Variants in ZNF160 observed in about 807,000 individuals in gnomAD.
The protein encoded by ZNF160 is zinc finger protein 160, also known as KRAB zinc finger protein KR18.
Under a neutral mutation model 13.1 loss-of-function variants are expected in ZNF160, and 9 were observed. The ratio of observed to expected loss-of-function variants is 0.69; its 90% confidence interval spans 0.41 to 1.20. The LOEUF is 1.20. Ranked by LOEUF, ZNF160 falls within the 50% of genes most tolerant of loss-of-function variation. ZNF160 has a pLI of 0.01. For missense variants in ZNF160, 838 were observed against 988.0 expected, an observed-to-expected ratio of 0.85 and a Z score of 2.04; for synonymous variants, 293 against 333.2, an observed-to-expected ratio of 0.88 and a Z score of 1.31.
intron 1 of ZNF160, chr19:53,095,505 C>G (rs1220402640): frequency 1.3e-5 from 2 of 151,964 alleles, no homozygotes; most frequent in African/African-American, 2.4e-5. Flanking sequence ...AACTCTGAGA[C>G]CCGGTGGCTC....
At position 53,068,846 on chromosome 19, in the gene ZNF160, TTC is replaced by T; in HGVS notation, c.1686_1687del (p.Lys563ThrfsTer5). ...ACCACATTCATTACACTTGTAAGGT[TTC>T]TCTCCAGAATGAATTCCCCGATGAC... On this transcript the variant is annotated frameshift_variant, in exon 6 of 6. Transcript: ENST00000683776. LOFTEE classifies it low-confidence loss of function (END_TRUNC). 6.2e-7 allele frequency: 1 copy of T among 1,614,192 alleles called. No individual in the cohort carries two copies.
chr19:53,072,729 T>C (rs535924591), intron 5 of ZNF160, among the ~76,000 whole-genome samples: 72 of 152,110 alleles, frequency 4.7e-4, no homozygotes, highest in South Asian at 1.0e-3. Flanking sequence ...CGCATGCCTG[T>C]AATCCCAGCT....
In ZNF160 at chr19:53,075,039, G is replaced by A. The variant is rs954521242; in HGVS notation, c.142+18C>T. 5 of 1,613,794 alleles carry A rather than the reference G, an allele frequency of 3.1e-6. No homozygotes were observed. Among genetic ancestry groups the A allele is most frequent in the Non-Finnish European group, 4.2e-6 (5 of 1,179,918 alleles). On this transcript the variant is annotated intron_variant, in intron 4 of 5. Coordinates refer to ENST00000683776, the MANE Select transcript of ZNF160 (RefSeq NM_001322131.2). ...AGACAAGAACAGATCTTGACTTCTG[G>A]AAGAAAGTCATCCTCACCCAGAGAA...
chr19:53,087,167 G>T (rs1388547547), intron 2 of ZNF160, among the ~76,000 whole-genome samples: 1 of 152,204 alleles, frequency 6.6e-6, no homozygotes, highest in East Asian at 1.9e-4. Flanking sequence ...TGGAAGCCTT[G>T]AGGCAGGAGC....
At chr19:53,074,463 G>A (rs2084303855) in intron 4 of ZNF160, among the ~76,000 whole-genome samples, 195 bp from the exon 5 acceptor site, 1 of 151,836 alleles carries the variant, frequency 6.6e-6, no homozygotes, top group African/African-American at 2.4e-5. Context: ...GTCAGGAGAT[G>A]GAGATCATGA....
rs1042374609 is a variant in ZNF160 at position 53,083,607 on chromosome 19, G to T, written c.15+2655C>A. 1.6e-4 allele frequency among the ~76,000 whole-genome samples: 25 copies of T among 152,286 alleles called. No homozygotes were observed. The East Asian group carries it at 4.8e-3, about 29-fold the overall frequency. The stretch of plus-strand genomic sequence containing the variant: ...AGGAAGACAACAGTGCGTATATAAA[G>T]AATTAAACCAAGCCGGGCACAATGG... On this transcript the variant is annotated intron_variant, in intron 3 of 5. Transcript: ENST00000683776.
chr19:53,088,917 C>A (rs1278943765), intron 2 of ZNF160, among the ~76,000 whole-genome samples: 1 of 152,212 alleles, frequency 6.6e-6, no homozygotes, highest in Non-Finnish European at 1.5e-5. Flanking sequence ...ACTTCATATG[C>A]TGTACGCTCT....
In ZNF160 at chr19:53,066,776, T is replaced by C. The variant is rs2083983529; in HGVS notation, c.*1301A>G. On this transcript the variant is annotated 3_prime_UTR_variant, in exon 6 of 6. Transcript: ENST00000683776. Reference sequence around the variant, plus strand: ...ACTCTTCACTCTGACAACTACTCTCTCTTCAGTTTTTCTTTTTCTTCTTTA... The same window carrying C: ...ACTCTTCACTCTGACAACTACTCTCCCTTCAGTTTTTCTTTTTCTTCTTTA... 6.6e-6 allele frequency: 1 copy of C among 152,198 alleles called. No individual in the cohort carries two copies. The highest frequency in any genetic ancestry group is 2.1e-4 in the South Asian group (1 of 4,828). 9.4% of individuals were successfully genotyped at this position (152,198 alleles called of 1,614,324 possible). A position where few individuals can be genotyped will look rare whatever the true frequency, so the allele number is the denominator to read the frequency against.
rs555769840 is a variant in ZNF160, at chr19:53,072,987, A to G, written c.271+1153T>C. 21 of 627,138 alleles carry G rather than the reference A, an allele frequency of 3.3e-5. No individual in the cohort carries two copies. In the East Asian group the frequency reaches 2.6e-3, roughly 76 times the overall value. 38.8% of individuals were successfully genotyped at this position (627,138 alleles called of 1,614,324 possible). The stretch of plus-strand genomic sequence containing the variant: ...CTATATTGACAAATTATAGTTATAT[A>G]TATTTACAGGAAACAAACTGATATT... On this transcript the variant is annotated intron_variant, in intron 5 of 5. Transcript: ENST00000683776.
intron 5 of ZNF160, chr19:53,073,570 A>G (rs1325631211): frequency 2.0e-6 from 3 of 1,516,394 alleles, no homozygotes; most frequent in African/African-American, 2.8e-5. Flanking sequence ...ACTAAGGACT[A>G]TGGAGGCTTC....
chr19:53,076,803 T>C (rs1228743958), intron 3 of ZNF160: 2 of 152,228 alleles, frequency 1.3e-5, no homozygotes, highest in Non-Finnish European at 2.9e-5. Flanking sequence ...TTGAAACACC[T>C]GCTCACCTGA....
At chr19:53,086,454 C>A in intron 2 of ZNF160, 133 bp from the exon 3 acceptor site, 1 of 649,324 alleles carries the variant, frequency 1.5e-6, no homozygotes, top group East Asian at 3.0e-5. Context: ...GAAAGATGGT[C>A]CTCTGCGCCC....
intron 3 of ZNF160, among the ~76,000 whole-genome samples, chr19:53,081,369 G>A (rs184517): frequency 6.6e-5 from 10 of 151,988 alleles, no homozygotes; most frequent in African/African-American, 9.7e-5. Flanking sequence ...CGCATCTGAC[G>A]AATAACTAAT....
chr19:53,082,237 C>G (rs565608347), intron 3 of ZNF160, among the ~76,000 whole-genome samples: 204 of 152,258 alleles, frequency 1.3e-3, no homozygotes, highest in African/African-American at 4.6e-3. Flanking sequence ...TGTAAGAAAC[C>G]TCACGTGTAC....
chr19:53,081,272 GA>G (rs1448331643), intron 3 of ZNF160, among the ~76,000 whole-genome samples: 1 of 152,002 alleles, frequency 6.6e-6, no homozygotes, highest in Non-Finnish European at 1.5e-5. Flanking sequence ...TAGACAAGTG[GA>G]ACTTAATTAA....
chr19:53,087,372 C>T (rs943234527), intron 2 of ZNF160, among the ~76,000 whole-genome samples: 21 of 152,108 alleles, frequency 1.4e-4, no homozygotes, highest in Admixed American at 8.5e-4. Flanking sequence ...TAAGTAAATG[C>T]TTAATTTTTT....
At position 53,082,445 on chromosome 19, in the gene ZNF160, G is replaced by A. The variant is rs533752999; in HGVS notation, c.15+3817C>T. ...GCCTATAATCCCAGCACTTTAGGAG[G>A]CCAAGGCAGGAGTACTGCTTGAGCT... is the stretch of plus-strand genomic sequence containing the variant. On this transcript the variant is annotated intron_variant, in intron 3 of 5. Coordinates refer to ENST00000683776, the MANE Select transcript of ZNF160 (RefSeq NM_001322131.2). Among the ~76,000 whole-genome samples the A allele has an allele frequency of 4.1e-4, 63 of 152,246 alleles. No individual in the cohort carries two copies. The South Asian group carries it at 0.011, about 28-fold the overall frequency.
chr19:53,081,367 A>G (rs1046969019), intron 3 of ZNF160, among the ~76,000 whole-genome samples: 17 of 152,284 alleles, frequency 1.1e-4, no homozygotes, highest in African/African-American at 4.1e-4. Flanking sequence ...TACGCATCTG[A>G]CGAATAACTA....
At chr19:53,073,268 C>T in intron 5 of ZNF160, 2 of 1,526,026 alleles carry the variant, frequency 1.3e-6, no homozygotes, top group Non-Finnish European at 1.8e-6. Context: ...ATACGCACCC[C>T]ATGTAAGACT....
Sources: allele counts gnomAD v4.1 joint callset (sites outside exome capture counted in the v4.1 genomes callset), GRCh38; gene constraint gnomAD v4.1.1; transcripts MANE v1.5; gene names NCBI Gene and HGNC (gene_info 2026-07-23, HGNC 2026-07-21).